MT1A: variants seen among roughly 807,000 people sequenced by gnomAD.
The protein encoded by MT1A is metallothionein 1A, also known as metallothionein-1A.
MT1A carries 6 observed loss-of-function variants against 5.5 expected under a neutral mutation model. That is an observed-to-expected ratio of 1.09 (90% CI 0.60 to 2.16). MT1A has a LOEUF of 2.16. Among genes scored for constraint, MT1A ranks in the 30% most tolerant of loss-of-function variants. The probability of loss-of-function intolerance (pLI) is 0.00; values close to 1 mark genes in which losing one functional copy is unlikely to be tolerated. For synonymous variants in MT1A, 23 were observed against 24.8 expected, an observed-to-expected ratio of 0.93 and a Z score of 0.21; for missense variants, 69 against 73.4, an observed-to-expected ratio of 0.94 and a Z score of 0.22.
At chr16:56,639,803 G>A (rs1379452713) in intron 2 of MT1A, 56 bp from the exon 3 acceptor site, 6 of 1,608,528 alleles carry the variant, frequency 3.7e-6, no homozygotes, top group African/African-American at 1.3e-5. Context: ...TTCTCTGGGG[G>A]CAGGGAAGTC....
At chr16:56,639,176 C>A in intron 1 of MT1A, 88 bp from the exon 2 acceptor site, 3 of 1,452,042 alleles carry the variant, frequency 2.1e-6, no homozygotes, top group Non-Finnish European at 1.9e-6. Context: ...ATCTATCAGG[C>A]CTGGCAATGC....
intron 2 of MT1A, among the ~76,000 whole-genome samples, chr16:56,639,582 T>C (rs1413108045): frequency 1.3e-5 from 2 of 152,190 alleles, no homozygotes; most frequent in Non-Finnish European, 2.9e-5. Flanking sequence ...CTCCCCTAAG[T>C]GTGTGGTTCT....
Position 56,639,320 on chromosome 16 carries a change from T to C in MT1A, c.85T>C (p.Cys29Arg). 1.2e-6 allele frequency: 2 copies of C among 1,611,686 alleles called. No individual in the cohort carries two copies. The highest frequency in any genetic ancestry group is 2.7e-5 in the African/African-American group (2 of 75,026). ...CKCKECKCTS[C>R]KKSCCSCCPM... ...ATGCAAAGAGTGCAAATGCACCTCC[T>C]GCAAGAAGAGTGAGTGTGGGGCCAT... Residue 29 changes from cysteine (C) to arginine (R), a missense_variant, in exon 2 of 3, where the codon TGC becomes CGC. Transcript: ENST00000290705.
At position 56,639,976 on chromosome 16, in the gene MT1A, A is replaced by G. The variant is rs143993797; in HGVS notation, c.*26A>G. On this transcript the variant is annotated 3_prime_UTR_variant, in exon 3 of 3. Transcript: ENST00000290705. ...TGTCCGGACAGCCCTGCTCGAAGAT[A>G]TAGAAAGAGTGACCTGCACAAACTT... The G allele has an allele frequency of 3.1e-4, 505 of 1,613,526 alleles. 2 individuals are homozygous for G. The African/African-American group carries it at 5.4e-3, about 17-fold the overall frequency.
intron 2 of MT1A, 144 bp downstream of exon 2, chr16:56,639,473 T>C (rs1323582765): frequency 1.8e-6 from 2 of 1,093,494 alleles, no homozygotes; most frequent in South Asian, 2.8e-5. Flanking sequence ...GCCAGATCTT[T>C]AGACGTGATG....
chr16:56,640,009 T>G lies in MT1A; in HGVS notation c.*59T>G. 6.2e-7 allele frequency: 1 copy of G among 1,601,806 alleles called. No homozygotes were observed. The highest frequency in any genetic ancestry group is 8.5e-7 in the Non-Finnish European group (1 of 1,172,140). On this transcript the variant is annotated 3_prime_UTR_variant, in exon 3 of 3. Coordinates refer to ENST00000290705, the MANE Select transcript of MT1A (RefSeq NM_005946.3). Reference sequence around the variant, plus strand: ...AGTGACCTGCACAAACTTGGAATTTTTTTTCCATACAACCCTGACCCATTT... The same window carrying G: ...AGTGACCTGCACAAACTTGGAATTTGTTTTCCATACAACCCTGACCCATTT...
In MT1A at chr16:56,639,334, G is replaced by T. The variant is rs769596650; in HGVS notation, c.94+5G>T. On this transcript the variant is annotated splice_donor_5th_base_variant and intron_variant, in intron 2 of 2. Coordinates refer to ENST00000290705, the MANE Select transcript of MT1A (RefSeq NM_005946.3). ...AATGCACCTCCTGCAAGAAGAGTGA[G>T]TGTGGGGCCATCTCCAGGAATCTGG... The T allele has an allele frequency of 1.2e-6, 2 of 1,611,736 alleles. No homozygotes were observed. The highest frequency in any genetic ancestry group is 4.5e-5 in the East Asian group (2 of 44,850).
chr16:56,640,030 C>T lies in MT1A; in HGVS notation c.*80C>T. The T allele has an allele frequency of 6.6e-7, 1 of 1,517,052 alleles. No individual in the cohort carries two copies. The highest frequency in any genetic ancestry group is 8.9e-7 in the Non-Finnish European group (1 of 1,120,882). The allele number at this position is 1,517,052 out of a possible 1,614,324, so 94.0% of individuals were successfully genotyped here. On this transcript the variant is annotated 3_prime_UTR_variant, in exon 3 of 3. Transcript: ENST00000290705. Reference sequence around the variant, plus strand: ...ATTTTTTTTCCATACAACCCTGACCCATTTACTGTATTTTTTTTAATGAAA... The same window carrying T: ...ATTTTTTTTCCATACAACCCTGACCTATTTACTGTATTTTTTTTAATGAAA...
chr16:56,639,148 C>G, intron 1 of MT1A, 116 bp from the exon 2 acceptor site: 1 of 1,224,322 alleles, frequency 8.2e-7, no homozygotes, highest in Non-Finnish European at 1.2e-6. Flanking sequence ...TCATGGTGCC[C>G]TGAGTTGGAC....
chr16:56,639,295 A>T lies in MT1A; in HGVS notation c.60A>T (p.Lys20Asn). 1 of 1,612,096 alleles carries T rather than the reference A, an allele frequency of 6.2e-7. No individual in the cohort carries two copies. The highest frequency in any genetic ancestry group is 8.5e-7 in the Non-Finnish European group (1 of 1,178,658). ...CCTGCACCTGCACTGGCTCCTGCAA[A>T]TGCAAAGAGTGCAAATGCACCTCCT... ...GGSCTCTGSC[K>N]CKECKCTSCK... Residue 20 changes from lysine to asparagine, a missense_variant, in exon 2 of 3, where the codon AAA (lysine) becomes AAT (asparagine). Lys to Asn is a moderately conservative substitution (Grantham distance 94). Transcript: ENST00000290705.
At position 56,640,036 on chromosome 16, in the gene MT1A, C is replaced by T; in HGVS notation, c.*86C>T. 1 of 1,504,114 alleles carries T rather than the reference C, an allele frequency of 6.6e-7. No individual in the cohort carries two copies. Among genetic ancestry groups the T allele is most frequent in the Non-Finnish European group, 9.0e-7 (1 of 1,113,944 alleles). The allele number at this position is 1,504,114 out of a possible 1,614,324, so 93.2% of individuals were successfully genotyped here. ...TTTCCATACAACCCTGACCCATTTACTGTATTTTTTTTAATGAAATATGTG... is the reference window on the plus strand; with the variant it reads ...TTTCCATACAACCCTGACCCATTTATTGTATTTTTTTTAATGAAATATGTG... On this transcript the variant is annotated 3_prime_UTR_variant, in exon 3 of 3. Transcript: ENST00000290705.
At position 56,638,770 on chromosome 16, in the gene MT1A, AG is replaced by A. The variant is rs1192714487; in HGVS notation, c.28+7del. The A allele has an allele frequency of 6.2e-7, 1 of 1,613,946 alleles. No individual in the cohort carries two copies. Among genetic ancestry groups the A allele is most frequent in the Admixed American group, 1.7e-5 (1 of 59,992 alleles). On this transcript the variant is annotated splice_donor_5th_base_variant and intron_variant, in intron 1 of 2. Coordinates refer to ENST00000290705, the MANE Select transcript of MT1A (RefSeq NM_005946.3). The stretch of plus-strand genomic sequence containing the variant: ...CCCAACTGCTCCTGCGCCACTGGTA[AG>A]GGATGCTAGGTTTCTGGTCCTTAGG...
rs1960422851 is a variant in MT1A at position 56,639,939 on chromosome 16, T to C, written c.175T>C (p.Cys59Arg). 6.2e-7 allele frequency: 1 copy of C among 1,614,234 alleles called. No individual in the cohort carries two copies. Among genetic ancestry groups the C allele is most frequent in the Non-Finnish European group, 8.5e-7 (1 of 1,180,046 alleles). Residue 59 changes from cysteine (C) to arginine (R), a missense_variant, in exon 3 of 3, where the codon TGC becomes CGC. Physicochemically the swap from Cys to Arg is radical, Grantham distance 180 (BLOSUM62 -3). Transcript: ENST00000290705. ...CAAAGGGGCATCAGAGAAGTGCAGC[T>C]GCTGTGCCTGATGTCCGGACAGCCC... ...ICKGASEKCSCCA is the reference protein window; with the variant it reads ...ICKGASEKCSRCA
At chr16:56,639,774 G>A in intron 2 of MT1A, 85 bp from the exon 3 acceptor site, 1 of 1,566,292 alleles carries the variant, frequency 6.4e-7, no homozygotes, top group Non-Finnish European at 8.8e-7. Flanking sequence ...TGGGGCTGGG[G>A]ACAGAGCTTG....
chr16:56,638,696 C>T lies in MT1A; in HGVS notation c.-43C>T, dbSNP rs745982684. 217 of 1,613,484 alleles carry T rather than the reference C, an allele frequency of 1.3e-4. No homozygotes were observed. The highest frequency in any genetic ancestry group is 1.7e-4 in the Non-Finnish European group (204 of 1,179,502). Reference sequence around the variant, plus strand: ...GCCTTCCACGTGCGCCTTATAGCCTCTCAACTTCTTGCTTGGGATCTCCAA... The same window carrying T: ...GCCTTCCACGTGCGCCTTATAGCCTTTCAACTTCTTGCTTGGGATCTCCAA... On this transcript the variant is annotated 5_prime_UTR_variant, in exon 1 of 3. Coordinates refer to ENST00000290705, the MANE Select transcript of MT1A (RefSeq NM_005946.3).
chr16:56,638,836 T>G, intron 1 of MT1A, 70 bp downstream of exon 1: 1 of 1,585,176 alleles, frequency 6.3e-7, no homozygotes, highest in Non-Finnish European at 8.7e-7. Flanking sequence ...TCCCTAGGAG[T>G]AGAGGTGTTT....
In MT1A at chr16:56,638,684, G is replaced by T; in HGVS notation, c.-55G>T. ...GGGCCCTACCAAGCCTTCCACGTGC[G>T]CCTTATAGCCTCTCAACTTCTTGCT... is the stretch of plus-strand genomic sequence containing the variant. On this transcript the variant is annotated 5_prime_UTR_variant, in exon 1 of 3. Transcript: ENST00000290705. 2 of 1,605,794 alleles carry T rather than the reference G, an allele frequency of 1.2e-6. No individual in the cohort carries two copies. Among genetic ancestry groups the T allele is most frequent in the South Asian group, 1.1e-5 (1 of 90,922 alleles).
intron 2 of MT1A, among the ~76,000 whole-genome samples, chr16:56,639,629 T>C (rs1960418754): frequency 6.6e-6 from 1 of 152,200 alleles, no homozygotes; most frequent in Non-Finnish European, 1.5e-5. Flanking sequence ...ATAACCCCAG[T>C]CACTGCCTTT....
intron 2 of MT1A, 149 bp from the exon 3 acceptor site, chr16:56,639,710 C>T (rs1960419547): frequency 9.4e-7 from 1 of 1,059,032 alleles, no homozygotes; most frequent in Non-Finnish European, 1.4e-6. Flanking sequence ...TCGAAAGATC[C>T]ACCACTTATC....
Sources: allele counts gnomAD v4.1 joint callset (sites outside exome capture counted in the v4.1 genomes callset), GRCh38; gene constraint gnomAD v4.1.1; transcripts MANE v1.5; gene names NCBI Gene and HGNC (gene_info 2026-07-23, HGNC 2026-07-21).